PSPC1: variants seen among roughly 807,000 people sequenced by gnomAD.
The protein encoded by PSPC1 is paraspeckle component 1.
A neutral mutation model predicts 51.6 loss-of-function variants in PSPC1; 14 were observed. The observed-to-expected ratio is 0.27, with a 90% CI of 0.18 to 0.42. The LOEUF is 0.42. Among genes scored for constraint, PSPC1 ranks in the 10% least tolerant of loss-of-function variants. The pLI, the probability that PSPC1 is intolerant of heterozygous loss-of-function variation, is 1.00. For synonymous variants in PSPC1, 193 were observed against 231.9 expected (o/e 0.83, Z 1.53); for missense variants, 406 against 701.1 (o/e 0.58, Z 4.75).
intron 4 of PSPC1, among the ~76,000 whole-genome samples, chr13:19,742,890 T>G (rs1298845068): frequency 3.3e-5 from 5 of 150,642 alleles, no homozygotes; most frequent in Non-Finnish European, 7.4e-5. Context: ...ACGATTAGCA[T>G]GAAATTCCTC....
chr13:19,706,907 T>G (rs893339156), intron 7 of PSPC1, among the ~76,000 whole-genome samples: 1 of 152,144 alleles, frequency 6.6e-6, no homozygotes, highest in Admixed American at 6.5e-5. Context: ...CCCAGAAACC[T>G]AGCAAATTCA....
At chr13:19,753,923 T>C (rs1366578839) in intron 3 of PSPC1, among the ~76,000 whole-genome samples, 5 of 152,126 alleles carry the variant, frequency 3.3e-5, no homozygotes, top group African/African-American at 4.8e-5. Context: ...TCTAAAAGAA[T>C]TGTTTACTGG....
intron 6 of PSPC1, among the ~76,000 whole-genome samples, chr13:19,695,278 T>A (rs574795111): frequency 6.6e-6 from 1 of 152,326 alleles, no homozygotes; most frequent in Admixed American, 6.5e-5. Context: ...TAGACTTTAG[T>A]TGACTTTAAG....
intron 1 of PSPC1, among the ~76,000 whole-genome samples, chr13:19,773,606 T>C (rs1446802297): frequency 1.3e-5 from 2 of 152,068 alleles, no homozygotes; most frequent in African/African-American, 4.8e-5. Context: ...CTTTTTATTT[T>C]CATTTCTCTT....
At chr13:19,726,538 T>C (rs2137894034) in intron 6 of PSPC1, among the ~76,000 whole-genome samples, 1 of 152,206 alleles carries the variant, frequency 6.6e-6, no homozygotes, top group African/African-American at 2.4e-5. Context: ...ACAAAACAAA[T>C]CAATTATTAG....
intron 6 of PSPC1, among the ~76,000 whole-genome samples, chr13:19,728,234 T>C (rs571432331): frequency 6.6e-6 from 1 of 152,350 alleles, no homozygotes; most frequent in Non-Finnish European, 1.5e-5. Flanking sequence ...ATTTATTTTA[T>C]ACTTAAAAGT....
At chr13:19,699,306 TA>T (rs1351806631), downstream of PSPC1, 2 of 130,100 alleles carry the variant, frequency 1.5e-5, no homozygotes, top group East Asian at 5.2e-4. Flanking sequence ...TTAGACACTA[TA>T]AATTTTTTTC....
At chr13:19,747,481 T>A (rs545934631) in intron 4 of PSPC1, among the ~76,000 whole-genome samples, 2 of 152,138 alleles carry the variant, frequency 1.3e-5, no homozygotes, top group South Asian at 4.1e-4. Flanking sequence ...TACAGACACA[T>A]GCCACCATGC....
chr13:19,758,914 C>G (rs1887351034), intron 3 of PSPC1, among the ~76,000 whole-genome samples: 1 of 151,738 alleles, frequency 6.6e-6, no homozygotes, highest in Non-Finnish European at 1.5e-5. Context: ...TGACAGTGTC[C>G]TCCTAGTACC....
chr13:19,714,810 G>A (rs773235417), intron 6 of PSPC1, among the ~76,000 whole-genome samples: 4 of 151,802 alleles, frequency 2.6e-5, no homozygotes, highest in Admixed American at 6.6e-5. Flanking sequence ...AATTAATTTC[G>A]ATGTAAGAGT....
At chr13:19,721,739 T>C (rs1004650839) in intron 6 of PSPC1, among the ~76,000 whole-genome samples, 4 of 152,186 alleles carry the variant, frequency 2.6e-5, no homozygotes, top group Admixed American at 2.6e-4. Flanking sequence ...AAATTTTTCT[T>C]CCAAAATGGA....
chr13:19,751,293 G>A lies in PSPC1; in HGVS notation c.945C>T (p.His315=), dbSNP rs1261303490. 1 of 1,550,052 alleles carries A rather than the reference G, an allele frequency of 6.5e-7. No homozygotes were observed. The highest frequency in any genetic ancestry group is 8.7e-7 in the Non-Finnish European group (1 of 1,155,326). ...TACCTTGCCTCATTAGCATTAATTG[G>A]TGTTCATGCCTAGCTGCTTCCATTT... ...EAEMEAARHE[H]QLMLMRQDLM... is the part of the protein sequence containing the mutation. The change falls in exon 4 of 9, where the codon CAC becomes CAT. Residue 315 remains histidine (H), a synonymous_variant. Coordinates refer to ENST00000338910, the MANE Select transcript of PSPC1 (RefSeq NM_001354909.2).
intron 5 of PSPC1, among the ~76,000 whole-genome samples, chr13:19,733,797 A>AT (rs931625140): frequency 3.6e-4 from 52 of 146,464 alleles, no homozygotes; most frequent in African/African-American, 1.3e-3. Context: ...ATATATATAT[A>AT]TATATATTAG....
At chr13:19,691,734 C>T (rs2137649151) in intron 6 of PSPC1, among the ~76,000 whole-genome samples, 1 of 152,218 alleles carries the variant, frequency 6.6e-6, no homozygotes, top group African/African-American at 2.4e-5. Flanking sequence ...GCCTGGCCAA[C>T]ATGGTGAAAC....
chr13:19,747,548 G>C (rs1426845120), intron 4 of PSPC1, among the ~76,000 whole-genome samples: 1 of 152,094 alleles, frequency 6.6e-6, no homozygotes, highest in African/African-American at 2.4e-5. Flanking sequence ...ACTGAGGTTA[G>C]TCTTGAACTG....
intron 7 of PSPC1, among the ~76,000 whole-genome samples, chr13:19,676,040 A>G (rs1314352086): frequency 3.3e-5 from 5 of 152,204 alleles, no homozygotes; most frequent in African/African-American, 1.2e-4. Context: ...TTAAAATCCT[A>G]AAGTTCCAAT....
At chr13:19,702,182 T>C (rs2137715452), downstream of PSPC1, among the ~76,000 whole-genome samples, 1 of 152,278 alleles carries the variant, frequency 6.6e-6, no homozygotes, top group South Asian at 2.1e-4. Flanking sequence ...AGACAAATGG[T>C]CCTAACCCAT....
chr13:19,724,760 G>A (rs779365287), intron 6 of PSPC1, among the ~76,000 whole-genome samples: 7 of 152,270 alleles, frequency 4.6e-5, no homozygotes, highest in Non-Finnish European at 1.0e-4. Context: ...ACCACTTTGG[G>A]AGGCCGAGCG....
rs1888858014 is a variant in PSPC1, at chr13:19,773,976, TCTC to T, written c.373-1436_373-1434del. ...CCTAGCCAATGTCTTCTTAATGACT[TCTC>T]CTGAAATACTGGCATGGGTTACACA... On this transcript the variant is annotated intron_variant, in intron 1 of 8. Coordinates refer to ENST00000338910, the MANE Select transcript of PSPC1 (RefSeq NM_001354909.2). Among the ~76,000 whole-genome samples, 4 of 152,198 alleles carry T rather than the reference TCTC, an allele frequency of 2.6e-5. No individual in the cohort carries two copies. The South Asian group carries it at 8.3e-4, about 32-fold the overall frequency.
Sources: allele counts gnomAD v4.1 joint callset (sites outside exome capture counted in the v4.1 genomes callset), GRCh38; gene constraint gnomAD v4.1.1; transcripts MANE v1.5; gene names NCBI Gene and HGNC (gene_info 2026-07-23, HGNC 2026-07-21).